The following SHANK2 variants were observed in gnomAD, a reference collection of about 807,000 sequenced individuals.
SHANK2 encodes the protein SH3 and multiple ankyrin repeat domains protein 2.
SHANK2 carries 43 observed loss-of-function variants against 133.7 expected under a neutral mutation model. That is an observed-to-expected ratio of 0.32 (90% CI 0.25 to 0.41). The LOEUF is 0.41. SHANK2 is among the 10% of genes least tolerant of loss of function. The pLI, the probability that SHANK2 is intolerant of heterozygous loss-of-function variation, is 1.00. For missense variants in SHANK2, 1,994 were observed against 2,235.8 expected (o/e 0.89, Z 2.18); for synonymous variants, 1,017 against 952.8 (o/e 1.07, Z -1.24).
chr11:71,202,448 G>A (rs543195962), intron 2 of SHANK2, among the ~76,000 whole-genome samples: 12 of 152,204 alleles, frequency 7.9e-5, no homozygotes, highest in Non-Finnish European at 1.2e-4. Context: ...TGAGGTCAGA[G>A]AGGTGAGGGT....
chr11:70,889,936 C>T (rs1243880761), intron 11 of SHANK2, among the ~76,000 whole-genome samples: 1 of 152,204 alleles, frequency 6.6e-6, no homozygotes, highest in Non-Finnish European at 1.5e-5. Context: ...GGAGCTGCAA[C>T]AGCCAGAGAA....
At chr11:71,082,671 G>C (rs1168813740) in intron 8 of SHANK2, among the ~76,000 whole-genome samples, 1 of 152,178 alleles carries the variant, frequency 6.6e-6, no homozygotes, top group Non-Finnish European at 1.5e-5. Context: ...CCCTCGCCGT[G>C]GGGCCCAGAG....
At chr11:70,845,681 C>T (rs1027541389) in intron 11 of SHANK2, among the ~76,000 whole-genome samples, 16 of 152,066 alleles carry the variant, frequency 1.1e-4, no homozygotes, top group African/African-American at 3.9e-4. Context: ...GATGGAAAGA[C>T]GAGCCAAGCC....
intron 11 of SHANK2, among the ~76,000 whole-genome samples, chr11:70,862,580 G>T (rs949832795): frequency 1.3e-5 from 2 of 151,156 alleles, no homozygotes; most frequent in African/African-American, 2.4e-5. Context: ...TGGACTGGAC[G>T]GGCTGATGGA....
intron 10 of SHANK2, among the ~76,000 whole-genome samples, chr11:70,937,092 G>A (rs1436865935): frequency 3.9e-5 from 6 of 152,132 alleles, no homozygotes; most frequent in Admixed American, 1.3e-4. Flanking sequence ...AGTCCTCTGC[G>A]TGGAGTCAGA....
intron 14 of SHANK2, among the ~76,000 whole-genome samples, chr11:70,726,933 C>A (rs1047164618): frequency 5.9e-5 from 9 of 152,258 alleles, no homozygotes; most frequent in Admixed American, 2.0e-4. Context: ...CCTGGTCATC[C>A]CTGCCAACTT....
At chr11:70,893,549 C>T (rs560025641) in intron 11 of SHANK2, among the ~76,000 whole-genome samples, 8 of 152,328 alleles carry the variant, frequency 5.3e-5, no homozygotes, top group South Asian at 2.1e-4. Flanking sequence ...TCTCTCTCTG[C>T]GGGAAACTTT....
chr11:71,199,510 T>C, intron 2 of SHANK2, among the ~76,000 whole-genome samples: 1 of 152,158 alleles, frequency 6.6e-6, no homozygotes, highest in East Asian at 1.9e-4. Flanking sequence ...ACTTCATGGA[T>C]GGGAGGAAGA....
chr11:70,887,297 G>A lies in SHANK2; in HGVS notation c.1174+9204C>T, dbSNP rs143277395. The stretch of plus-strand genomic sequence containing the variant: ...AGCAAGGATTAACTGTGGTATTCAC[G>A]TCCACATTTAAACCATCACTTTCTT... On this transcript the variant is annotated intron_variant, in intron 11 of 25. Transcript: ENST00000601538. 4.0e-4 allele frequency among the ~76,000 whole-genome samples: 61 copies of A among 151,924 alleles called. No homozygotes were observed. The East Asian group carries it at 8.9e-3, about 22-fold the overall frequency.
rs118132458 is a variant in SHANK2 at position 70,740,364 on chromosome 11, C to A, written c.1778-41601G>T. On this transcript the variant is annotated intron_variant, in intron 14 of 25. Coordinates refer to ENST00000601538, the MANE Select transcript of SHANK2 (RefSeq NM_012309.5). ...TGGGGATAGAAACACTGTATGTGTT[C>A]GACAAATAAATGCCAGCCCGTTTAT... Among the ~76,000 whole-genome samples, 773 of 152,302 alleles carry A rather than the reference C, an allele frequency of 5.1e-3. 16 individuals are homozygous for A. In the East Asian group the frequency reaches 0.059, roughly 12 times the overall value.
rs541910120 is a variant in SHANK2 at position 70,739,933 on chromosome 11, G to A, written c.1778-41170C>T. Among the ~76,000 whole-genome samples, 271 of 152,346 alleles carry A rather than the reference G, an allele frequency of 1.8e-3. 1 individual carries two copies. The highest frequency in any genetic ancestry group is 6.4e-3 in the African/African-American group (264 of 41,574). Reference sequence around the variant, plus strand: ...CCCGAATCCTGGCATTCGGTGGCACGCAGGTAGGGCACAGAAGTCCAGCTT... The same window carrying A: ...CCCGAATCCTGGCATTCGGTGGCACACAGGTAGGGCACAGAAGTCCAGCTT... On this transcript the variant is annotated intron_variant, in intron 14 of 25. Coordinates refer to ENST00000601538, the MANE Select transcript of SHANK2 (RefSeq NM_012309.5). The surrounding 1 kb of genome is among the most constrained non-coding windows in gnomAD (Gnocchi z 4.3).
At chr11:70,495,024 C>T (rs1440671132) in intron 21 of SHANK2, among the ~76,000 whole-genome samples, 1 of 152,360 alleles carries the variant, frequency 6.6e-6, no homozygotes, top group Non-Finnish European at 1.5e-5. Flanking sequence ...GGGAACTGGT[C>T]AGGCACGGTA....
At chr11:70,573,267 G>C (rs1397577193) in intron 17 of SHANK2, among the ~76,000 whole-genome samples, 2 of 132,506 alleles carry the variant, frequency 1.5e-5, no homozygotes, top group Admixed American at 1.5e-4. Flanking sequence ...GGTGGTCACT[G>C]CAGCGGTGGG....
chr11:70,734,621 C>A (rs1408619368), intron 14 of SHANK2, among the ~76,000 whole-genome samples: 1 of 152,210 alleles, frequency 6.6e-6, no homozygotes, highest in African/African-American at 2.4e-5. Context: ...CAGGGCCCCC[C>A]GACCAATACC....
At chr11:70,903,838 C>G (rs782740137) in intron 10 of SHANK2, among the ~76,000 whole-genome samples, 9 of 152,206 alleles carry the variant, frequency 5.9e-5, no homozygotes, top group Non-Finnish European at 1.0e-4. Flanking sequence ...TGCAAAGCCC[C>G]GCAAAGCTGG....
intron 21 of SHANK2, 132 bp from the exon 22 acceptor site, chr11:70,492,597 G>T: frequency 8.5e-7 from 1 of 1,177,786 alleles, no homozygotes; most frequent in Non-Finnish European, 1.2e-6. Context: ...CTGCTGTGAG[G>T]AGCATGCGTG....
At position 70,820,351 on chromosome 11, in the gene SHANK2, T is replaced by C; in HGVS notation, c.1493+13A>G. The C allele has an allele frequency of 1.6e-6, 1 of 608,700 alleles. No homozygotes were observed. The highest frequency in any genetic ancestry group is 2.0e-5 in the South Asian group (1 of 49,526). 37.7% of individuals were successfully genotyped at this position (608,700 alleles called of 1,614,324 possible). ...TGGCGGTCTTCCTTCCCTTGGCGTC[T>C]GCCACTCCTTACCCGACATGCCAGA... is the stretch of plus-strand genomic sequence containing the variant. On this transcript the variant is annotated intron_variant, in intron 12 of 25. Transcript: ENST00000601538.
At chr11:70,677,649 T>C (rs992107604) in intron 15 of SHANK2, among the ~76,000 whole-genome samples, 1 of 151,892 alleles carries the variant, frequency 6.6e-6, no homozygotes, top group Non-Finnish European at 1.5e-5. Flanking sequence ...TGAGATGACC[T>C]CCAAGAAGCG....
At chr11:70,936,280 G>A (rs1950569885) in intron 10 of SHANK2, among the ~76,000 whole-genome samples, 2 of 152,216 alleles carry the variant, frequency 1.3e-5, no homozygotes, top group African/African-American at 4.8e-5. Context: ...GGGAGGCCTA[G>A]GCAGGCAGTT....
Sources: gnomAD v4.1 joint callset for allele counts (sites outside exome capture counted in the v4.1 genomes callset) on GRCh38, gnomAD v4.1.1 for gene constraint, Gnocchi (gnomAD v3.1) non-coding constraint, MANE v1.5 for transcripts, NCBI Gene and HGNC (gene_info 2026-07-23, HGNC 2026-07-21) for gene names.